CRIM1: variants seen among roughly 807,000 people sequenced by gnomAD.
CRIM1 encodes the protein cysteine-rich motor neuron 1 protein.
In CRIM1, 32 loss-of-function variants were observed where a neutral mutation model predicts 116.4. That is an observed-to-expected ratio of 0.27 (90% CI 0.21 to 0.37). The LOEUF (loss-of-function observed/expected upper bound fraction) is 0.37, where lower values mean the gene tolerates loss of function less well. Among genes scored for constraint, CRIM1 ranks in the 10% least tolerant of loss-of-function variants. The pLI is 1.00. For missense variants in CRIM1, 1,331 were observed against 1,354.8 expected, an observed-to-expected ratio of 0.98 and a Z score of 0.28; for synonymous variants, 590 against 509.2, an observed-to-expected ratio of 1.16 and a Z score of -2.13.
At chr2:36,357,314 A>G (rs1668913267) in intron 1 of CRIM1, among the ~76,000 whole-genome samples, 1 of 152,162 alleles carries the variant, frequency 6.6e-6, no homozygotes, top group African/African-American at 2.4e-5. Flanking sequence ...ACCTGGGAGT[A>G]AAAAGTTGTT....
chr2:36,393,569 A>C (rs944413321), intron 1 of CRIM1, among the ~76,000 whole-genome samples: 16 of 152,274 alleles, frequency 1.1e-4, no homozygotes, highest in African/African-American at 3.9e-4. Context: ...ATTATGGCTT[A>C]CATAAAACCA....
chr2:36,487,170 A>G (rs1679884817), intron 7 of CRIM1, among the ~76,000 whole-genome samples: 1 of 152,118 alleles, frequency 6.6e-6, no homozygotes, highest in Admixed American at 6.5e-5. Flanking sequence ...TAAAATCCTC[A>G]TCTTCATCTC....
rs117851112 is a variant in CRIM1 at position 36,491,837 on chromosome 2, A to T, written c.1373-7382A>T. Among the ~76,000 whole-genome samples, 143 of 152,322 alleles carry T rather than the reference A, an allele frequency of 9.4e-4. 4 individuals carry two copies. In the East Asian group the frequency reaches 0.019, roughly 21 times the overall value. The stretch of plus-strand genomic sequence containing the variant: ...ACCCGCATACCTATTAATGTAACAC[A>T]TTATTTCCACTTAAAGCTACCAAAA... On this transcript the variant is annotated intron_variant, in intron 7 of 16. Transcript: ENST00000280527.
chr2:36,542,653 C>T (rs1435073975), intron 14 of CRIM1, among the ~76,000 whole-genome samples: 2 of 152,170 alleles, frequency 1.3e-5, no homozygotes, highest in Admixed American at 6.5e-5. Flanking sequence ...AGTGGCAGTT[C>T]GGCCCCTATT....
In CRIM1 at chr2:36,460,897, A is replaced by C. The variant is rs1467720930; in HGVS notation, c.870-3637A>C. On this transcript the variant is annotated intron_variant, in intron 4 of 16. Transcript: ENST00000280527. Reference sequence around the variant, plus strand: ...TGTTATCCGAGGTTGGCCTAGAAAGACAACTGGGCATAAGGGCTGGATGAG... The same window carrying C: ...TGTTATCCGAGGTTGGCCTAGAAAGCCAACTGGGCATAAGGGCTGGATGAG... Among the ~76,000 whole-genome samples the C allele has an allele frequency of 2.6e-5, 4 of 152,310 alleles. No individual in the cohort carries two copies. In the East Asian group the frequency reaches 7.7e-4, roughly 29 times the overall value.
chr2:36,362,286 C>G (rs1234483650), intron 1 of CRIM1, among the ~76,000 whole-genome samples: 2 of 152,102 alleles, frequency 1.3e-5, no homozygotes, highest in Non-Finnish European at 2.9e-5. Flanking sequence ...CTGAAGTGAT[C>G]TCTTGAGGCT....
At chr2:36,392,848 A>T (rs1306231012) in intron 1 of CRIM1, among the ~76,000 whole-genome samples, 2 of 152,172 alleles carry the variant, frequency 1.3e-5, no homozygotes, top group African/African-American at 4.8e-5. Flanking sequence ...AAAGAAAATA[A>T]AAGTGTCTAC....
intron 2 of CRIM1, among the ~76,000 whole-genome samples, chr2:36,414,181 T>TG (rs1673431583): frequency 6.6e-6 from 1 of 152,210 alleles, no homozygotes; most frequent in Non-Finnish European, 1.5e-5. Context: ...CCGGTGATTG[T>TG]GGGCCATTTG....
At chr2:36,501,054 A>G (rs1680947198) in intron 8 of CRIM1, among the ~76,000 whole-genome samples, 1 of 152,168 alleles carries the variant, frequency 6.6e-6, no homozygotes, top group African/African-American at 2.4e-5. Flanking sequence ...TCAGTTGTGA[A>G]TGTCAATTTA....
chr2:36,542,399 A>G (rs1667008137), intron 14 of CRIM1, among the ~76,000 whole-genome samples: 1 of 152,228 alleles, frequency 6.6e-6, no homozygotes, highest in East Asian at 1.9e-4. Context: ...CCCTGTGGGA[A>G]GAGGACTCAC....
chr2:36,491,057 A>C (rs1458531227), intron 7 of CRIM1, among the ~76,000 whole-genome samples: 3 of 152,212 alleles, frequency 2.0e-5, no homozygotes, highest in Non-Finnish European at 4.4e-5. Flanking sequence ...CCTGAGTTGA[A>C]TGACTGCCTA....
At chr2:36,431,172 C>T (rs371663440) in intron 2 of CRIM1, among the ~76,000 whole-genome samples, 3 of 151,988 alleles carry the variant, frequency 2.0e-5, no homozygotes, top group South Asian at 2.1e-4. Flanking sequence ...CTTGGGACAT[C>T]GCGTTAGGTG....
chr2:36,453,958 T>C (rs548673174), intron 4 of CRIM1, among the ~76,000 whole-genome samples: 3 of 152,334 alleles, frequency 2.0e-5, no homozygotes, highest in South Asian at 4.1e-4. Context: ...TAATCCCACC[T>C]ACCTTTATGA....
intron 1 of CRIM1, chr2:36,369,144 C>G (rs929587712): frequency 6.6e-6 from 1 of 152,172 alleles, no homozygotes; most frequent in Non-Finnish European, 1.5e-5. Flanking sequence ...ACTTTTAAAC[C>G]TCTGCGGCAG....
chr2:36,384,135 T>G (rs1670991281), intron 1 of CRIM1, among the ~76,000 whole-genome samples: 1 of 152,186 alleles, frequency 6.6e-6, no homozygotes, highest in African/African-American at 2.4e-5. Context: ...TCTGCCAAAG[T>G]CTTGCCAGAA....
intron 1 of CRIM1, among the ~76,000 whole-genome samples, chr2:36,363,743 C>T (rs960798784): frequency 4.6e-5 from 7 of 152,108 alleles, no homozygotes; most frequent in African/African-American, 1.7e-4. Context: ...GTGCACTTTG[C>T]TTCACATTAT....
intron 1 of CRIM1, among the ~76,000 whole-genome samples, chr2:36,391,874 T>C (rs1671637072): frequency 6.6e-6 from 1 of 152,056 alleles, no homozygotes; most frequent in South Asian, 2.1e-4. Context: ...ATTGTGCTAG[T>C]AAGTTACTGT....
At chr2:36,397,601 TGTC>T (rs1186102039) in intron 2 of CRIM1, among the ~76,000 whole-genome samples, 1 of 152,130 alleles carries the variant, frequency 6.6e-6, no homozygotes, top group Non-Finnish European at 1.5e-5. Flanking sequence ...TCTAAAATGA[TGTC>T]GTTGTAAGAT....
At chr2:36,475,171 T>C (rs1289301571) in intron 5 of CRIM1, among the ~76,000 whole-genome samples, 3 of 152,260 alleles carry the variant, frequency 2.0e-5, no homozygotes, top group African/African-American at 4.8e-5. Flanking sequence ...GCATTGAACA[T>C]GTAGATCAAT....
Sources: gnomAD v4.1 joint callset for allele counts (sites outside exome capture counted in the v4.1 genomes callset) on GRCh38, gnomAD v4.1.1 for gene constraint, MANE v1.5 for transcripts, NCBI Gene and HGNC (gene_info 2026-07-23, HGNC 2026-07-21) for gene names.